The following ARHGAP12 variants were observed in gnomAD, a reference collection of about 807,000 sequenced individuals.
ARHGAP12 encodes rho GTPase-activating protein 12.
ARHGAP12 carries 64 observed loss-of-function variants against 108.6 expected under a neutral mutation model. The ratio of observed to expected loss-of-function variants is 0.59; its 90% CI spans 0.48 to 0.73. The LOEUF (loss-of-function observed/expected upper bound fraction) is 0.73. Among genes scored for constraint, ARHGAP12 ranks in the 30% least tolerant of loss-of-function variants. The probability of loss-of-function intolerance (pLI) is 0.00; values close to 1 mark genes in which losing one functional copy is unlikely to be tolerated. For synonymous variants in ARHGAP12, 312 were observed against 337.2 expected, an observed-to-expected ratio of 0.93 and a Z score of 0.82; for missense variants, 940 against 1,005.9, an observed-to-expected ratio of 0.93 and a Z score of 0.89.
chr10:31,808,216 C>CT (rs5784257), intron 19 of ARHGAP12, among the ~76,000 whole-genome samples: 26,841 of 147,100 alleles, frequency 0.18, 2,963 homozygotes, highest in East Asian at 0.38. Flanking sequence ...TATGTAATTT[C>CT]TTTAAAAAAA....
intron 3 of ARHGAP12, among the ~76,000 whole-genome samples, chr10:31,904,959 C>T (rs1340274053): frequency 2.6e-5 from 4 of 151,998 alleles, no homozygotes; most frequent in Non-Finnish European, 4.4e-5. Context: ...GCTTATGAAT[C>T]TACAATTCTC....
intron 1 of ARHGAP12, among the ~76,000 whole-genome samples, chr10:31,926,432 A>C (rs562881105): frequency 2.6e-3 from 397 of 152,278 alleles, no homozygotes; most frequent in Non-Finnish European, 3.9e-3. Flanking sequence ...GCTATGTCGT[A>C]CTACGACACC....
At chr10:31,847,269 T>G (rs990141995) in intron 6 of ARHGAP12, among the ~76,000 whole-genome samples, 2 of 152,218 alleles carry the variant, frequency 1.3e-5, no homozygotes, top group African/African-American at 4.8e-5. Flanking sequence ...TGGTTCTTGC[T>G]ATGACAAGTA....
chr10:31,835,347 T>A (rs1835978878), intron 9 of ARHGAP12, among the ~76,000 whole-genome samples: 1 of 152,148 alleles, frequency 6.6e-6, no homozygotes, highest in South Asian at 2.1e-4. Context: ...TTAAGTCCCA[T>A]AAAATATATA....
At position 31,852,615 on chromosome 10, in the gene ARHGAP12, G is replaced by A. The variant is rs766792809; in HGVS notation, c.1090-18C>T. On this transcript the variant is annotated intron_variant, in intron 5 of 19. Coordinates refer to ENST00000344936, the MANE Select transcript of ARHGAP12 (RefSeq NM_018287.7). ...TTGAGCCACTATAAAAACAGAACAG[G>A]TGTTTTTTATTAAATTTAAATAAAA... The A allele has an allele frequency of 6.4e-7, 1 of 1,560,660 alleles. No homozygotes were observed. The highest frequency in any genetic ancestry group is 8.8e-7 in the Non-Finnish European group (1 of 1,133,586).
intron 1 of ARHGAP12, among the ~76,000 whole-genome samples, chr10:31,918,353 ACACACAC>A (rs1446478406): frequency 6.1e-5 from 9 of 147,778 alleles, no homozygotes; most frequent in Admixed American, 3.3e-4. Context: ...ACACACACAC[ACACACAC>A]CAATGAGATA....
intron 3 of ARHGAP12, among the ~76,000 whole-genome samples, chr10:31,890,132 T>C (rs763025367): frequency 6.6e-6 from 1 of 152,148 alleles, no homozygotes; most frequent in Non-Finnish European, 1.5e-5. Flanking sequence ...GCTCCATTTC[T>C]AGAGGGGAGA....
chr10:31,922,945 T>C (rs564502220), intron 1 of ARHGAP12, among the ~76,000 whole-genome samples: 10 of 151,986 alleles, frequency 6.6e-5, no homozygotes, highest in East Asian at 1.9e-4. Flanking sequence ...CTGGACAACA[T>C]AGCACGAACC....
intron 3 of ARHGAP12, among the ~76,000 whole-genome samples, chr10:31,867,724 A>G (rs531976748): frequency 3.2e-4 from 49 of 152,284 alleles, no homozygotes; most frequent in African/African-American, 1.1e-3. Flanking sequence ...AAACGGAAGA[A>G]AATTCCTAAA....
At chr10:31,911,585 G>C (rs1005368900) in intron 1 of ARHGAP12, among the ~76,000 whole-genome samples, 3 of 152,076 alleles carry the variant, frequency 2.0e-5, no homozygotes, top group Non-Finnish European at 4.4e-5. Context: ...AAGTGCTGGG[G>C]CTGCAGGCGC....
At chr10:31,847,471 G>A (rs1025048840) in intron 6 of ARHGAP12, among the ~76,000 whole-genome samples, 1 of 152,096 alleles carries the variant, frequency 6.6e-6, no homozygotes, top group Non-Finnish European at 1.5e-5. Context: ...TCTGAAACCT[G>A]GGCAGTACTC....
intron 6 of ARHGAP12, among the ~76,000 whole-genome samples, chr10:31,846,611 G>A (rs1836467111): frequency 1.3e-5 from 2 of 152,116 alleles, no homozygotes; most frequent in Admixed American, 1.3e-4. Flanking sequence ...GTAAAGTGTT[G>A]TTTCACTGAA....
intron 3 of ARHGAP12, among the ~76,000 whole-genome samples, chr10:31,867,806 C>T (rs1209093878): frequency 6.6e-6 from 1 of 151,944 alleles, no homozygotes; most frequent in Non-Finnish European, 1.5e-5. Flanking sequence ...ACAACCTAAA[C>T]ATTTAACAAC....
At chr10:31,834,222 T>G (rs1297519311) in intron 9 of ARHGAP12, among the ~76,000 whole-genome samples, 2 of 152,356 alleles carry the variant, frequency 1.3e-5, no homozygotes, top group East Asian at 1.9e-4. Context: ...TTTGTTTGCC[T>G]TATTGTACTT....
intron 13 of ARHGAP12, 86 bp from the exon 14 acceptor site, chr10:31,814,447 A>G: frequency 9.2e-7 from 1 of 1,092,782 alleles, no homozygotes. Context: ...TGACTATTGT[A>G]AATGACTCTT....
rs574475768 is a variant in ARHGAP12 at position 31,805,571 on chromosome 10, CG to C, written c.*2086del. The C allele has an allele frequency of 3.3e-5, 5 of 151,192 alleles. No individual in the cohort carries two copies. Among genetic ancestry groups the C allele is most frequent in the African/African-American group, 1.2e-4 (5 of 41,122 alleles). 9.4% of individuals were successfully genotyped at this position (151,192 alleles called of 1,614,324 possible). ...ATTTTTAATTCACAAAGGATGAAAA[CG>C]CAAGACATTAATCTCACTGTACATA... is the stretch of plus-strand genomic sequence containing the variant. On this transcript the variant is annotated 3_prime_UTR_variant, in exon 20 of 20. Transcript: ENST00000344936.
intron 3 of ARHGAP12, among the ~76,000 whole-genome samples, chr10:31,862,707 C>G (rs1592305369): frequency 1.0e-4 from 1 of 10,038 alleles, no homozygotes; most frequent in Non-Finnish European, 2.2e-4. Context: ...CACACACAGA[C>G]ACACACACAC....
chr10:31,923,774 T>C (rs1436977095), intron 1 of ARHGAP12, among the ~76,000 whole-genome samples: 2 of 152,180 alleles, frequency 1.3e-5, no homozygotes, highest in South Asian at 2.1e-4. Context: ...AGAGCAATAG[T>C]TGCCAAGGGA....
At chr10:31,815,989 A>G (rs1403516137) in intron 13 of ARHGAP12, among the ~76,000 whole-genome samples, 1 of 152,052 alleles carries the variant, frequency 6.6e-6, no homozygotes. Flanking sequence ...ATCTCTACTA[A>G]AAATACAAAA....
Sources: gnomAD v4.1 joint callset for allele counts (sites outside exome capture counted in the v4.1 genomes callset) on GRCh38, gnomAD v4.1.1 for gene constraint, MANE v1.5 for transcripts, NCBI Gene and HGNC (gene_info 2026-07-23, HGNC 2026-07-21) for gene names.